MINDY3: variants seen among roughly 807,000 people sequenced by gnomAD.
MINDY3 encodes ubiquitin carboxyl-terminal hydrolase MINDY-3.
A neutral mutation model predicts 69.2 loss-of-function variants in MINDY3; 38 were observed. The ratio of observed to expected loss-of-function variants is 0.55; its 90% CI spans 0.42 to 0.72. The LOEUF (loss-of-function observed/expected upper bound fraction) is 0.72, where lower values mean the gene tolerates loss of function less well. Ranked by LOEUF, MINDY3 falls within the 30% of genes least tolerant of loss-of-function variation. The probability of loss-of-function intolerance (pLI) is 0.00; values close to 1 mark genes in which losing one functional copy is unlikely to be tolerated. For synonymous variants in MINDY3, 192 were observed against 180.1 expected (o/e 1.07, Z -0.53); for missense variants, 522 against 519.0 (o/e 1.01, Z -0.06).
At chr10:15,854,896 A>T (rs1588664141) in intron 1 of MINDY3, among the ~76,000 whole-genome samples, 1 of 152,086 alleles carries the variant, frequency 6.6e-6, no homozygotes, top group Non-Finnish European at 1.5e-5. Context: ...TTAAGGTCCA[A>T]CCTAGGAACA....
chr10:15,826,610 A>G (rs534463279), intron 8 of MINDY3, among the ~76,000 whole-genome samples: 25 of 152,372 alleles, frequency 1.6e-4, no homozygotes, highest in African/African-American at 6.0e-4. Flanking sequence ...GATAATGTAG[A>G]AAAGACTATG....
intron 4 of MINDY3, 124 bp downstream of exon 4, chr10:15,841,302 A>G: frequency 2.7e-6 from 2 of 737,834 alleles, no homozygotes; most frequent in Non-Finnish European, 4.3e-6. Flanking sequence ...TCAGTAATTA[A>G]GCTTAAGCTG....
At chr10:15,822,360 G>C (rs954643765) in intron 8 of MINDY3, among the ~76,000 whole-genome samples, 38 of 152,284 alleles carry the variant, frequency 2.5e-4, no homozygotes, top group African/African-American at 9.1e-4. Flanking sequence ...GGAGTGGTAT[G>C]AGAGTATCTG....
At chr10:15,852,364 GA>G (rs1380435156) in intron 1 of MINDY3, among the ~76,000 whole-genome samples, 1 of 152,164 alleles carries the variant, frequency 6.6e-6, no homozygotes, top group East Asian at 1.9e-4. Flanking sequence ...GCAACTTTTA[GA>G]AATCGGAGAT....
In MINDY3 at chr10:15,839,886, G is replaced by A. The variant is rs116451212; in HGVS notation, c.409+1540C>T. ...GGAAAAATTACTAAAATGTTTTCTG[G>A]AGGGTAATTCAATATAATATGCCCA... On this transcript the variant is annotated intron_variant, in intron 4 of 14. Transcript: ENST00000277632. Among the ~76,000 whole-genome samples, 420 of 151,632 alleles carry A rather than the reference G, an allele frequency of 2.8e-3. 3 individuals carry two copies. Among genetic ancestry groups the A allele is most frequent in the African/African-American group, 9.8e-3 (405 of 41,488 alleles).
chr10:15,837,080 A>ATAATAAT, intron 6 of MINDY3, 124 bp downstream of exon 6: 1 of 584,490 alleles, frequency 1.7e-6, no homozygotes, highest in African/African-American at 2.0e-5. Flanking sequence ...CTCATTTTCA[A>ATAATAAT]CGTAAAAGAT....
At chr10:15,795,432 G>T (rs7904872) in intron 11 of MINDY3, among the ~76,000 whole-genome samples, 28,564 of 151,944 alleles carry the variant, frequency 0.19, 6,919 homozygotes, top group African/African-American at 0.57. Flanking sequence ...AGGACTTCAC[G>T]GATACAGCAA....
chr10:15,779,637 T>C (rs1281562176), intron 14 of MINDY3, among the ~76,000 whole-genome samples: 1 of 152,182 alleles, frequency 6.6e-6, no homozygotes, highest in Non-Finnish European at 1.5e-5. Flanking sequence ...CTGAAACCAA[T>C]TTGAATGTTT....
intron 14 of MINDY3, among the ~76,000 whole-genome samples, chr10:15,779,417 A>G (rs939477155): frequency 2.6e-5 from 4 of 152,014 alleles, no homozygotes; most frequent in African/African-American, 9.7e-5. Context: ...TGTTTCTAAG[A>G]AAAAAAACAT....
intron 8 of MINDY3, among the ~76,000 whole-genome samples, chr10:15,824,290 T>A (rs1839950775): frequency 6.6e-6 from 1 of 152,218 alleles, no homozygotes; most frequent in Non-Finnish European, 1.5e-5. Context: ...CACACTTTTG[T>A]TGTTTTTTAA....
intron 11 of MINDY3, among the ~76,000 whole-genome samples, chr10:15,792,966 A>G (rs1218035372): frequency 6.6e-6 from 1 of 152,064 alleles, no homozygotes; most frequent in Non-Finnish European, 1.5e-5. Context: ...TCTTAAGTCC[A>G]TTTTACAGAT....
chr10:15,783,197 G>A (rs1836686422), intron 13 of MINDY3, among the ~76,000 whole-genome samples: 1 of 152,168 alleles, frequency 6.6e-6, no homozygotes, highest in Non-Finnish European at 1.5e-5. Flanking sequence ...TGCTGTTCAA[G>A]GACTCCAGGA....
intron 2 of MINDY3, among the ~76,000 whole-genome samples, chr10:15,844,685 A>G (rs1284361324): frequency 1.3e-5 from 2 of 152,200 alleles, no homozygotes; most frequent in Non-Finnish European, 2.9e-5. Flanking sequence ...CAGAAACACA[A>G]CTATTACATC....
chr10:15,790,564 G>A (rs1030629085), intron 11 of MINDY3, among the ~76,000 whole-genome samples: 8 of 152,198 alleles, frequency 5.3e-5, no homozygotes, highest in South Asian at 2.1e-4. Flanking sequence ...AAGGCTCAGC[G>A]TCTCCGAATG....
intron 8 of MINDY3, among the ~76,000 whole-genome samples, chr10:15,822,345 C>G (rs896273312): frequency 6.6e-6 from 1 of 152,162 alleles, no homozygotes; most frequent in African/African-American, 2.4e-5. Flanking sequence ...TACACACACA[C>G]ACACGGAGTG....
intron 1 of MINDY3, among the ~76,000 whole-genome samples, chr10:15,853,780 C>G (rs1834485546): frequency 6.6e-6 from 1 of 151,370 alleles, no homozygotes; most frequent in Non-Finnish European, 1.5e-5. Flanking sequence ...GTATAACTAC[C>G]AATAAGCTAC....
chr10:15,847,873 T>C lies in MINDY3; in HGVS notation c.165A>G (p.Ala55=). ...QFEGGPCAVI[A]PVQAFLLKKL... ...AAGGAGTCTATGTTACCTGAACAGG[T>C]GCAATAACAGCACAGGGGCCACCTT... Residue 55 remains alanine, a synonymous_variant, in exon 2 of 15, where the codon GCA becomes GCG. Transcript: ENST00000277632. 6.2e-7 allele frequency: 1 copy of C among 1,613,408 alleles called. No individual in the cohort carries two copies.
At chr10:15,833,062 C>A (rs779267653) in intron 8 of MINDY3, among the ~76,000 whole-genome samples, 6 of 152,136 alleles carry the variant, frequency 3.9e-5, no homozygotes, top group Non-Finnish European at 8.8e-5. Flanking sequence ...TGTATCAGCT[C>A]TCCTTAACGG....
At chr10:15,833,125 C>A (rs1832843581) in intron 8 of MINDY3, among the ~76,000 whole-genome samples, 1 of 152,018 alleles carries the variant, frequency 6.6e-6, no homozygotes, top group Non-Finnish European at 1.5e-5. Flanking sequence ...ACATACGAAG[C>A]CACAGGAAAG....
Sources: gnomAD v4.1 joint callset for allele counts (sites outside exome capture counted in the v4.1 genomes callset) on GRCh38, gnomAD v4.1.1 for gene constraint, MANE v1.5 for transcripts, NCBI Gene and HGNC (gene_info 2026-07-23, HGNC 2026-07-21) for gene names.